Variants in SUPT6H observed in about 807,000 individuals in gnomAD.
SUPT6H encodes transcription elongation factor SPT6.
In SUPT6H, 11 loss-of-function variants were observed where a neutral mutation model predicts 222.3. That is an observed-to-expected ratio of 0.05 (90% CI 0.03 to 0.08). The LOEUF (loss-of-function observed/expected upper bound fraction) is 0.08, where lower values mean the gene tolerates loss of function less well. SUPT6H is among the 10% of genes least tolerant of loss of function. The pLI is 1.00. For synonymous variants in SUPT6H, 762 were observed against 801.2 expected (o/e 0.95, Z 0.83); for missense variants, 1,422 against 2,216.0 (o/e 0.64, Z 7.19).
chr17:28,676,070 T>C (rs2151619926), intron 6 of SUPT6H, 87 bp from the exon 7 acceptor site: 4 of 1,455,582 alleles, frequency 2.7e-6, no homozygotes, highest in Non-Finnish European at 3.7e-6. Context: ...CTCAGTTCCC[T>C]TGGGACAAGT....
intron 25 of SUPT6H, 99 bp from the exon 26 acceptor site, chr17:28,689,983 C>T (rs1351471542): frequency 1.4e-6 from 2 of 1,424,506 alleles, no homozygotes; most frequent in Non-Finnish European, 1.9e-6. Context: ...CTGACAGAAA[C>T]TTACTCCCAT....
intron 19 of SUPT6H, among the ~76,000 whole-genome samples, chr17:28,685,861 G>C (rs945625437): frequency 1.3e-5 from 2 of 152,188 alleles, no homozygotes; most frequent in Non-Finnish European, 2.9e-5. Flanking sequence ...CACCACAAAT[G>C]AAATAGCCAC....
chr17:28,662,384 G>A (rs1031331089), intron 1 of SUPT6H, 42 bp downstream of exon 1: 3 of 157,720 alleles, frequency 1.9e-5, no homozygotes, highest in African/African-American at 7.2e-5. Context: ...CAGGAGTCAG[G>A]TGGGGAACCG....
At chr17:28,676,018 C>T in intron 6 of SUPT6H, 139 bp from the exon 7 acceptor site, 1 of 987,952 alleles carries the variant, frequency 1.0e-6, no homozygotes, top group Middle Eastern at 3.0e-4. Context: ...GCCTTTCGTC[C>T]ACAGTGAATA....
intron 5 of SUPT6H, 94 bp downstream of exon 5, chr17:28,675,256 C>A: frequency 6.7e-7 from 1 of 1,485,702 alleles, no homozygotes; most frequent in Non-Finnish European, 9.2e-7. Flanking sequence ...TTAGCTACAT[C>A]CCCCAGCATT....
At position 28,681,862 on chromosome 17, in the gene SUPT6H, T is replaced by TC; in HGVS notation, c.1499-16dup. ...TGATTGGAAACTAGAACCCTAAATC[T>TC]CCCCATGTTTTCTTCCCAGGTGAAG... On this transcript the variant is annotated intron_variant, in intron 12 of 36. Transcript: ENST00000314616. The TC allele has an allele frequency of 6.3e-7, 1 of 1,593,172 alleles. No individual in the cohort carries two copies. The highest frequency in any genetic ancestry group is 8.5e-7 in the Non-Finnish European group (1 of 1,170,368).
chr17:28,693,726 C>T lies in SUPT6H; in HGVS notation c.3664C>T (p.Pro1222Ser), dbSNP rs1253125915. The T allele has an allele frequency of 6.2e-7, 1 of 1,614,074 alleles. No homozygotes were observed. The change falls in exon 28 of 37, where the codon CCA (proline) becomes TCA (serine). Residue 1222 changes from proline to serine, a missense_variant. Coordinates refer to ENST00000314616, the MANE Select transcript of SUPT6H (RefSeq NM_003170.5). Reference protein sequence around the residue: ...VWNHFDSGSCPGQAIGVKTRL... With the variant: ...VWNHFDSGSCSGQAIGVKTRL... Reference sequence around the variant, plus strand: ...GAACCACTTTGACAGCGGTTCGTGCCCAGGCCAGGCCATCGGTGTCAAAAC... The same window carrying T: ...GAACCACTTTGACAGCGGTTCGTGCTCAGGCCAGGCCATCGGTGTCAAAAC...
At chr17:28,665,624 G>C (rs546328724) in intron 1 of SUPT6H, among the ~76,000 whole-genome samples, 16 of 152,248 alleles carry the variant, frequency 1.1e-4, no homozygotes, top group Admixed American at 9.8e-4. Flanking sequence ...TTAGCTGGAC[G>C]TGGTGGTGGG....
chr17:28,676,127 G>A, intron 6 of SUPT6H, 30 bp from the exon 7 acceptor site: 2 of 1,551,564 alleles, frequency 1.3e-6, no homozygotes, highest in Non-Finnish European at 1.7e-6. Context: ...ACCTGAACCT[G>A]AGCCACCTGC....
At chr17:28,667,568 A>G (rs2030157873) in intron 1 of SUPT6H, among the ~76,000 whole-genome samples, 1 of 150,206 alleles carries the variant, frequency 6.7e-6, no homozygotes, top group African/African-American at 2.4e-5. Flanking sequence ...GATACAAGAC[A>G]ACATGGAATG....
chr17:28,666,019 A>G (rs2029989322), intron 1 of SUPT6H, among the ~76,000 whole-genome samples: 1 of 152,190 alleles, frequency 6.6e-6, no homozygotes, highest in Non-Finnish European at 1.5e-5. Flanking sequence ...TGACTTCTCC[A>G]ACCCTTATGA....
At chr17:28,689,668 G>A in intron 25 of SUPT6H, 107 bp downstream of exon 25, 2 of 1,080,880 alleles carry the variant, frequency 1.9e-6, no homozygotes, top group South Asian at 2.9e-5. Flanking sequence ...CTGTTAGTAT[G>A]GCAGACTTGA....
chr17:28,694,876 C>G (rs910107900), intron 28 of SUPT6H: 1 of 153,914 alleles, frequency 6.5e-6, no homozygotes, highest in Non-Finnish European at 1.4e-5. Flanking sequence ...TGGTGGCACA[C>G]GCCTGTAATC....
At chr17:28,671,296 T>G (rs2030399882) in intron 1 of SUPT6H, 1 of 152,282 alleles carries the variant, frequency 6.6e-6, no homozygotes, top group Non-Finnish European at 1.5e-5. Flanking sequence ...TTGTTGCTAA[T>G]GTGTTGCAGC....
At chr17:28,689,240 T>C in intron 24 of SUPT6H, 114 bp from the exon 25 acceptor site, 1 of 890,352 alleles carries the variant, frequency 1.1e-6, no homozygotes, top group Non-Finnish European at 1.8e-6. Flanking sequence ...TGTATAGTAT[T>C]CCATTGTATG....
Position 28,701,022 on chromosome 17 carries a change from A to G in SUPT6H, c.4888A>G (p.Ile1630Val), listed in dbSNP as rs142440672. 2 of 1,613,954 alleles carry G rather than the reference A, an allele frequency of 1.2e-6. No homozygotes were observed. Among genetic ancestry groups the G allele is most frequent in the African/African-American group, 2.7e-5 (2 of 74,882 alleles). The change falls in exon 36 of 37, where the codon ATC (isoleucine) becomes GTC (valine). Residue 1630 changes from isoleucine to valine, a missense_variant. Ile to Val is a conservative substitution (Grantham distance 29). Transcript: ENST00000314616. The stretch of plus-strand genomic sequence containing the variant: ...CTCCTACACGACCCCAAGCCAGCCC[A>G]TCACCACCCCTCAGTACCACCAGCT... Reference protein sequence around the residue: ...SYSYTTPSQPITTPQYHQLQA... With the variant: ...SYSYTTPSQPVTTPQYHQLQA...
chr17:28,675,978 A>AT (rs1368667722), intron 6 of SUPT6H, among the ~76,000 whole-genome samples, 179 bp from the exon 7 acceptor site: 1 of 152,170 alleles, frequency 6.6e-6, no homozygotes, highest in African/African-American at 2.4e-5. Context: ...TCCATATACA[A>AT]TAGTTTGCCC....
chr17:28,693,602 G>C (rs2031773513), intron 27 of SUPT6H, 94 bp from the exon 28 acceptor site: 5 of 1,469,956 alleles, frequency 3.4e-6, no homozygotes, highest in Non-Finnish European at 4.7e-6. Context: ...GGTGTCAATG[G>C]TAAAAGAAAT....
At chr17:28,668,076 C>T (rs938695752) in intron 1 of SUPT6H, among the ~76,000 whole-genome samples, 3 of 152,154 alleles carry the variant, frequency 2.0e-5, no homozygotes, top group African/African-American at 4.8e-5. Context: ...AGTTCCATTC[C>T]TCTTCCAGCG....
Sources: allele counts gnomAD v4.1 joint callset (sites outside exome capture counted in the v4.1 genomes callset), GRCh38; gene constraint gnomAD v4.1.1; transcripts MANE v1.5; gene names NCBI Gene and HGNC (gene_info 2026-07-23, HGNC 2026-07-21).